SENP1: variants seen among roughly 807,000 people sequenced by gnomAD.
SENP1 encodes SUMO specific peptidase 1.
A neutral mutation model predicts 93.0 loss-of-function variants in SENP1; 21 were observed. That is an observed-to-expected ratio of 0.23 (90% confidence interval 0.16 to 0.33). SENP1 has a LOEUF of 0.33. SENP1 is among the 10% of genes least tolerant of loss of function. The probability of loss-of-function intolerance (pLI) is 1.00; values close to 1 mark genes in which losing one functional copy is unlikely to be tolerated. For missense variants in SENP1, 591 were observed against 758.7 expected, an observed-to-expected ratio of 0.78 and a Z score of 2.60; for synonymous variants, 256 against 259.6, an observed-to-expected ratio of 0.99 and a Z score of 0.13.
At chr12:48,104,172 T>C (rs879802306) in intron 1 of SENP1, among the ~76,000 whole-genome samples, 41 of 145,096 alleles carry the variant, frequency 2.8e-4, no homozygotes, top group Non-Finnish European at 5.5e-4. Flanking sequence ...GACCAAGCCA[T>C]TGCACTCCAG....
intron 17 of SENP1, 31 bp from the exon 18 acceptor site, chr12:48,045,415 C>T (rs1302399321): frequency 1.9e-6 from 3 of 1,601,678 alleles, no homozygotes; most frequent in Non-Finnish European, 2.6e-6. Context: ...CCTTAATTTT[C>T]AATGCTTTTG....
At chr12:48,085,086 G>A (rs971143138) in intron 5 of SENP1, 13 of 1,363,704 alleles carry the variant, frequency 9.5e-6, no homozygotes, top group Middle Eastern at 1.8e-4. Flanking sequence ...GAAGCTCATC[G>A]CAGTGATCAG....
At chr12:48,067,578 GATCT>G (rs1943384616) in intron 9 of SENP1, among the ~76,000 whole-genome samples, 1 of 152,166 alleles carries the variant, frequency 6.6e-6, no homozygotes, top group African/African-American at 2.4e-5. Flanking sequence ...AACTAGGCAG[GATCT>G]ATCACAGAAA....
At chr12:48,092,008 A>T (rs1198910820) in intron 4 of SENP1, among the ~76,000 whole-genome samples, 8 of 152,154 alleles carry the variant, frequency 5.3e-5, no homozygotes, top group Non-Finnish European at 1.5e-5. Context: ...AGTTTTTAAA[A>T]TTTTATTTTT....
In SENP1 at chr12:48,048,051, G is replaced by C. The variant is rs763845176; in HGVS notation, c.1641C>G (p.Thr547=). 1.2e-5 allele frequency: 19 copies of C among 1,606,520 alleles called. No individual in the cohort carries two copies. Among genetic ancestry groups the C allele is most frequent in the Middle Eastern group, 1.6e-4 (1 of 6,062 alleles). The change falls in exon 15 of 18, where the codon ACC becomes ACG. Residue 547 remains threonine (T), a synonymous_variant. Transcript: ENST00000549518. ...TTATCCCACCCATGGAGTCGTAATAGGTAATATTCTTCTTTCTAAAGTCCA... is the reference window on the plus strand; with the variant it reads ...TTATCCCACCCATGGAGTCGTAATACGTAATATTCTTCTTTCTAAAGTCCA... The part of the protein sequence containing the change: ...AVVDFRKKNI[T]YYDSMGGINN...
At chr12:48,051,149 GA>G (rs1285967018) in intron 13 of SENP1, among the ~76,000 whole-genome samples, 1 of 151,972 alleles carries the variant, frequency 6.6e-6, no homozygotes, top group Non-Finnish European at 1.5e-5. Flanking sequence ...TTTTCAAGAG[GA>G]AAGAGTTCCA....
chr12:48,069,751 C>T (rs1565767905), intron 9 of SENP1, among the ~76,000 whole-genome samples: 1 of 152,124 alleles, frequency 6.6e-6, no homozygotes. Flanking sequence ...TTTTCCAACC[C>T]AAGATCAGAA....
In SENP1 at chr12:48,083,742, G is replaced by A. The variant is rs760101961; in HGVS notation, c.401C>T (p.Ala134Val). The stretch of plus-strand genomic sequence containing the variant: ...ATGGCAGTGATGGTTTGACTTTCCC[G>A]CAAAACTGTTTGATAATCCACTAAA... ...KTSSGLSNSF[A>V]GKSNHHCHVS... Residue 134 changes from alanine to valine, a missense_variant, in exon 6 of 18, where the codon GCG (alanine) becomes GTG (valine). Transcript: ENST00000549518. 1.9e-5 allele frequency: 31 copies of A among 1,606,488 alleles called. No homozygotes were observed. Among genetic ancestry groups the A allele is most frequent in the South Asian group, 9.0e-5 (8 of 88,760 alleles).
chr12:48,106,053 A>G lies in SENP1; in HGVS notation c.-70T>C. ...CGAACCGGAACCGGCTGCCATGCGA[A>G]GGGGTTTCCGGCCGGGCGCGGAACG... On this transcript the variant is annotated 5_prime_UTR_variant, in exon 1 of 18. Coordinates refer to ENST00000549518, the MANE Select transcript of SENP1 (RefSeq NM_001267594.2). 1 of 702,292 alleles carries G rather than the reference A, an allele frequency of 1.4e-6. No individual in the cohort carries two copies. The highest frequency in any genetic ancestry group is 2.0e-5 in the Admixed American group (1 of 49,998). 43.5% of individuals were successfully genotyped at this position (702,292 alleles called of 1,614,324 possible).
At chr12:48,069,152 C>CAACA (rs1943500556) in intron 9 of SENP1, among the ~76,000 whole-genome samples, 1 of 76,336 alleles carries the variant, frequency 1.3e-5, no homozygotes, top group African/African-American at 5.6e-5. Context: ...GACTCTGTCA[C>CAACA]AAAAAAAAAA....
chr12:48,070,778 G>C (rs1347372138), intron 9 of SENP1, among the ~76,000 whole-genome samples: 1 of 152,166 alleles, frequency 6.6e-6, no homozygotes, highest in Non-Finnish European at 1.5e-5. Flanking sequence ...CACTCTGATT[G>C]CAGCATGGAA....
chr12:48,101,513 A>C lies in SENP1; in HGVS notation c.-41T>G, dbSNP rs764921108. 3 of 1,569,054 alleles carry C rather than the reference A, an allele frequency of 1.9e-6. No individual in the cohort carries two copies. On this transcript the variant is annotated 5_prime_UTR_variant, in exon 2 of 18. Transcript: ENST00000549518. Reference sequence around the variant, plus strand: ...ATCACTGACTTTAGCAAAGATACAAAGTCCTATAAAAGAAGACACAAAACA... The same window carrying C: ...ATCACTGACTTTAGCAAAGATACAACGTCCTATAAAAGAAGACACAAAACA...
At chr12:48,103,744 G>A (rs1242285963) in intron 1 of SENP1, among the ~76,000 whole-genome samples, 2 of 152,190 alleles carry the variant, frequency 1.3e-5, no homozygotes, top group African/African-American at 2.4e-5. Flanking sequence ...AACATAAGCT[G>A]TTACAGACAT....
At chr12:48,077,361 T>A (rs2137071346) in intron 6 of SENP1, among the ~76,000 whole-genome samples, 1 of 152,220 alleles carries the variant, frequency 6.6e-6, no homozygotes, top group Non-Finnish European at 1.5e-5. Flanking sequence ...TGTCGTGTAG[T>A]TTTTCCTGTT....
intron 9 of SENP1, among the ~76,000 whole-genome samples, chr12:48,067,871 T>A (rs1219174969): frequency 6.6e-6 from 1 of 151,872 alleles, no homozygotes; most frequent in Non-Finnish European, 1.5e-5. Context: ...TTTAGTGTTG[T>A]TTGTTTGTTT....
intron 12 of SENP1, among the ~76,000 whole-genome samples, chr12:48,064,155 T>C (rs1374550136): frequency 2.6e-5 from 4 of 152,214 alleles, no homozygotes; most frequent in Non-Finnish European, 5.9e-5. Flanking sequence ...AAAAATTAAC[T>C]GTATTTTATA....
chr12:48,065,287 G>T, intron 11 of SENP1, 67 bp from the exon 12 acceptor site: 1 of 1,253,648 alleles, frequency 8.0e-7, no homozygotes, highest in Non-Finnish European at 1.1e-6. Flanking sequence ...TTTATGATAG[G>T]GTTATGTCCC....
At chr12:48,096,208 A>G in intron 4 of SENP1, 135 bp downstream of exon 4, 1 of 562,262 alleles carries the variant, frequency 1.8e-6, no homozygotes, top group Non-Finnish European at 3.2e-6. Flanking sequence ...AAGCCATTCA[A>G]ATGATGTTTT....
At chr12:48,064,916 A>T in intron 12 of SENP1, 149 bp downstream of exon 12, 1 of 577,738 alleles carries the variant, frequency 1.7e-6, no homozygotes, top group Non-Finnish European at 3.1e-6. Context: ...ACCTCAAGTG[A>T]TCCACCCGCT....
Sources: gnomAD v4.1 joint callset for allele counts (sites outside exome capture counted in the v4.1 genomes callset) on GRCh38, gnomAD v4.1.1 for gene constraint, MANE v1.5 for transcripts, NCBI Gene and HGNC (gene_info 2026-07-23, HGNC 2026-07-21) for gene names.